HNRNPC: variants seen among roughly 807,000 people sequenced by gnomAD.
HNRNPC encodes the protein heterogeneous nuclear ribonucleoproteins C1/C2.
In HNRNPC, 3 loss-of-function variants were observed where a neutral mutation model predicts 33.2. The observed-to-expected ratio is 0.09, with a 90% CI of 0.04 to 0.23. The LOEUF (loss-of-function observed/expected upper bound fraction) is 0.23. Among genes scored for constraint, HNRNPC ranks in the 10% least tolerant of loss-of-function variants. HNRNPC has a pLI of 1.00. For missense variants in HNRNPC, 143 were observed against 366.7 expected, an observed-to-expected ratio of 0.39 and a Z score of 4.98; for synonymous variants, 121 against 126.7, an observed-to-expected ratio of 0.96 and a Z score of 0.30.
At chr14:21,231,116 G>A (rs1473073982) in intron 3 of HNRNPC, 44 bp from the exon 4 acceptor site, 2 of 1,557,450 alleles carry the variant, frequency 1.3e-6, no homozygotes, top group Admixed American at 3.5e-5. Context: ...TTTGTATCCG[G>A]GTAAAACAAA....
At chr14:21,217,300 T>C (rs1892296236) in intron 5 of HNRNPC, among the ~76,000 whole-genome samples, 1 of 152,238 alleles carries the variant, frequency 6.6e-6, no homozygotes, top group Non-Finnish European at 1.5e-5. Flanking sequence ...TTTCTAATGT[T>C]ATTTGCAAGT....
intron 2 of HNRNPC, among the ~76,000 whole-genome samples, chr14:21,258,613 C>A (rs1566644728): frequency 6.6e-6 from 1 of 152,142 alleles, no homozygotes; most frequent in Non-Finnish European, 1.5e-5. Context: ...TAAGTTAACA[C>A]AAACTCACAA....
chr14:21,250,800 T>C (rs1489714411), intron 2 of HNRNPC, among the ~76,000 whole-genome samples: 1 of 152,078 alleles, frequency 6.6e-6, no homozygotes, highest in Non-Finnish European at 1.5e-5. Flanking sequence ...CCAAGCCAAG[T>C]AATAAAAAAG....
chr14:21,268,016 G>A (rs561573845), intron 1 of HNRNPC, among the ~76,000 whole-genome samples: 1 of 152,104 alleles, frequency 6.6e-6, no homozygotes, highest in Admixed American at 6.5e-5. Flanking sequence ...CCTTACAGAT[G>A]AATTTCTTAC....
At chr14:21,220,689 T>C (rs1010501885) in intron 5 of HNRNPC, among the ~76,000 whole-genome samples, 1 of 152,172 alleles carries the variant, frequency 6.6e-6, no homozygotes, top group Non-Finnish European at 1.5e-5. Context: ...ACCCTATCTA[T>C]GTAATAGCTG....
intron 2 of HNRNPC, among the ~76,000 whole-genome samples, chr14:21,245,317 G>A (rs1015333498): frequency 1.3e-5 from 2 of 151,900 alleles, no homozygotes; most frequent in African/African-American, 2.4e-5. Context: ...CCAACATGGA[G>A]AAACCGCGTC....
intron 2 of HNRNPC, among the ~76,000 whole-genome samples, chr14:21,240,059 TAA>T (rs1323929648): frequency 1.3e-5 from 2 of 152,170 alleles, no homozygotes. Flanking sequence ...CCAGGAATAC[TAA>T]GTTATTTCTA....
intron 2 of HNRNPC, among the ~76,000 whole-genome samples, chr14:21,238,837 A>C (rs992075247): frequency 6.6e-6 from 1 of 152,142 alleles, no homozygotes; most frequent in Non-Finnish European, 1.5e-5. Context: ...TAACATTAAG[A>C]AATCTGGGGC....
intron 5 of HNRNPC, 92 bp from the exon 6 acceptor site, chr14:21,213,209 G>C: frequency 7.9e-7 from 1 of 1,258,008 alleles, no homozygotes; most frequent in Non-Finnish European, 1.1e-6. Context: ...AGTGAATATT[G>C]TCTCTAGTCG....
At chr14:21,240,967 C>T (rs1335131130) in intron 2 of HNRNPC, among the ~76,000 whole-genome samples, 1 of 152,086 alleles carries the variant, frequency 6.6e-6, no homozygotes, top group Non-Finnish European at 1.5e-5. Flanking sequence ...TCCTTTATTA[C>T]TGTATCTTAA....
chr14:21,240,998 C>G (rs371963990), intron 2 of HNRNPC, among the ~76,000 whole-genome samples: 2 of 152,114 alleles, frequency 1.3e-5, no homozygotes, highest in African/African-American at 4.8e-5. Flanking sequence ...AGGCCAGGTG[C>G]GAAGGCTCAC....
intron 1 of HNRNPC, chr14:21,264,528 C>T (rs1878669279): frequency 6.6e-6 from 1 of 152,112 alleles, no homozygotes; most frequent in Non-Finnish European, 1.5e-5. Flanking sequence ...TACTATGTAG[C>T]GTGTAAAGCT....
intron 4 of HNRNPC, 139 bp downstream of exon 4, chr14:21,230,858 A>C (rs1894037143): frequency 1.1e-5 from 10 of 927,850 alleles, no homozygotes; most frequent in Middle Eastern, 4.5e-4. Flanking sequence ...TTATACACAG[A>C]TAAAACACAG....
At chr14:21,267,135 G>GCTTTTAATAAAACTCA (rs1316218238) in intron 1 of HNRNPC, among the ~76,000 whole-genome samples, 1 of 131,408 alleles carries the variant, frequency 7.6e-6, no homozygotes, top group African/African-American at 2.8e-5. Flanking sequence ...AAACAAAACT[G>GCTTTTAATAAAACTCA]CTTTTAATAA....
chr14:21,211,420 G>C lies in HNRNPC; in HGVS notation c.784C>G (p.Arg262Gly). 6.3e-7 allele frequency: 1 copy of C among 1,589,570 alleles called. No homozygotes were observed. The highest frequency in any genetic ancestry group is 8.5e-7 in the Non-Finnish European group (1 of 1,175,718). ...DLLDDDDNED[R>G]GDDQLELIKD... ...GTGGTTTTCACCTGGTCATCCCCCC[G>C]ATCTTCATTATCATCATCATCCAGT... Residue 262 changes from arginine (R) to glycine (G), a missense_variant, in exon 8 of 9, where the codon CGG becomes GGG. Arg to Gly is a moderately radical substitution (Grantham distance 125). Coordinates refer to ENST00000553300, the MANE Select transcript of HNRNPC (RefSeq NM_004500.4).
intron 2 of HNRNPC, among the ~76,000 whole-genome samples, chr14:21,243,361 T>A (rs1372387017): frequency 2.0e-5 from 3 of 152,240 alleles, no homozygotes; most frequent in Non-Finnish European, 4.4e-5. Context: ...AGGAGAAAAG[T>A]GTAGAGGACA....
chr14:21,243,487 G>C (rs1895604459), intron 2 of HNRNPC, among the ~76,000 whole-genome samples: 1 of 152,144 alleles, frequency 6.6e-6, no homozygotes, highest in Non-Finnish European at 1.5e-5. Context: ...ATTCAAAAAT[G>C]ATATACACCA....
At chr14:21,227,460 A>G (rs1204885311) in intron 5 of HNRNPC, among the ~76,000 whole-genome samples, 2 of 152,258 alleles carry the variant, frequency 1.3e-5, no homozygotes, top group East Asian at 1.9e-4. Context: ...TTTCACTGAC[A>G]ATAACATGCA....
intron 2 of HNRNPC, among the ~76,000 whole-genome samples, chr14:21,243,206 T>C (rs1017799343): frequency 6.6e-6 from 1 of 152,208 alleles, no homozygotes; most frequent in African/African-American, 2.4e-5. Flanking sequence ...GTTTAATTAC[T>C]GAATTGATGT....
Sources: allele counts gnomAD v4.1 joint callset (sites outside exome capture counted in the v4.1 genomes callset), GRCh38; gene constraint gnomAD v4.1.1; transcripts MANE v1.5; gene names NCBI Gene and HGNC (gene_info 2026-07-23, HGNC 2026-07-21).